The following TRAF7 variants were observed in gnomAD, a reference collection of about 807,000 sequenced individuals.
The protein encoded by TRAF7 is E3 ubiquitin-protein ligase TRAF7.
In TRAF7, 45 loss-of-function variants were observed where a neutral mutation model predicts 89.3. The ratio of observed to expected loss-of-function variants is 0.50; its 90% CI spans 0.40 to 0.65. The LOEUF is 0.65. Ranked by LOEUF, TRAF7 falls within the 30% of genes least tolerant of loss-of-function variation. TRAF7 has a pLI of 0.00. For synonymous variants in TRAF7, 406 were observed against 369.2 expected (o/e 1.10, Z -1.14); for missense variants, 677 against 918.1 (o/e 0.74, Z 3.39).
At chr16:2,176,027 T>G in intron 18 of TRAF7, 22 bp from the exon 19 acceptor site, 1 of 1,608,178 alleles carries the variant, frequency 6.2e-7, no homozygotes, top group South Asian at 1.1e-5. Context: ...GTCTTTGACC[T>G]GCCTGTGCCC....
At chr16:2,175,261 G>C (rs781543950) in intron 15 of TRAF7, 40 bp from the exon 16 acceptor site, 1 of 1,612,488 alleles carries the variant, frequency 6.2e-7, no homozygotes, top group African/African-American at 1.3e-5. Context: ...CCAGGTGGCA[G>C]GGCTTGGTGC....
intron 20 of TRAF7, 65 bp downstream of exon 20, chr16:2,176,449 G>A: frequency 3.1e-6 from 5 of 1,612,598 alleles, no homozygotes; most frequent in Non-Finnish European, 4.2e-6. Context: ...TGGGGACGAG[G>A]AGCTGGCAGC....
chr16:2,174,394 C>T (rs1465701536), intron 14 of TRAF7, 61 bp downstream of exon 14: 5 of 1,535,600 alleles, frequency 3.3e-6, no homozygotes, highest in Non-Finnish European at 4.4e-6. Flanking sequence ...CGCTGCCACC[C>T]CGTGGGCCGT....
Position 2,170,686 on chromosome 16 carries a change from T to A in TRAF7, c.304T>A (p.Ser102Thr). 6.2e-7 allele frequency: 1 copy of A among 1,608,496 alleles called. No individual in the cohort carries two copies. Among genetic ancestry groups the A allele is most frequent in the Non-Finnish European group, 8.5e-7 (1 of 1,177,932 alleles). ...CTCCCTGCACTCAGAGTCCAGCATG[T>A]CTCTGCGCTCCACATTCTCACTGCC... ...VRSLHSESSM[S>T]LRSTFSLPEE... The change falls in exon 5 of 21, where the codon TCT (serine) becomes ACT (threonine). Residue 102 changes from serine (S) to threonine (T), a missense_variant. By Grantham distance (58) the Ser-to-Thr change is moderately conservative. Around this residue, in one of 6 missense-constraint regions of TRAF7, gnomAD observed 240 missense variants for 191.9 expected, o/e 1.25. Transcript: ENST00000326181.
Position 2,176,877 on chromosome 16 carries a change from G to A in TRAF7, c.*303G>A, listed in dbSNP as rs887513320. ...GGCCTTTTTACTCACCTTTTCTACC[G>A]TTTTTAGACTGTATGTAGATTTGGT... On this transcript the variant is annotated 3_prime_UTR_variant, in exon 21 of 21. Transcript: ENST00000326181. The A allele has an allele frequency of 1.6e-5, 9 of 545,648 alleles. No homozygotes were observed. Among genetic ancestry groups the A allele is most frequent in the South Asian group, 4.1e-5 (2 of 48,672 alleles). The allele number at this position is 545,648 out of a possible 1,614,324, so 33.8% of individuals were successfully genotyped here.
At chr16:2,173,124 G>C in intron 9 of TRAF7, 58 bp from the exon 10 acceptor site, 1 of 1,508,918 alleles carries the variant, frequency 6.6e-7, no homozygotes, top group Admixed American at 1.9e-5. Context: ...GGGGATTCTT[G>C]GGGATGGGGA....
chr16:2,158,359 G>A lies in TRAF7; in HGVS notation c.-39+2501G>A, dbSNP rs1462341373. On this transcript the variant is annotated intron_variant, in intron 1 of 20. Transcript: ENST00000326181. This position sits in a 1 kb window ranked among gnomAD's most constrained non-coding sequence, Gnocchi z 4.7. ...GTGCAGCCAGGTGGGGCAGGTGAAAGGGGAAAGCGGGCACTGGAGGCTGGG... is the reference window on the plus strand; with the variant it reads ...GTGCAGCCAGGTGGGGCAGGTGAAAAGGGAAAGCGGGCACTGGAGGCTGGG... 2.6e-5 allele frequency among the ~76,000 whole-genome samples: 4 copies of A among 152,236 alleles called. No individual in the cohort carries two copies. The highest frequency in any genetic ancestry group is 5.9e-5 in the Non-Finnish European group (4 of 68,036).
In TRAF7 at chr16:2,177,900, G is replaced by A; in HGVS notation, c.*1326G>A. Reference sequence around the variant, plus strand: ...CCCCAGCCTTCCACCTGTGCTAGCAGCCTGGGGCCTCCACTCTGGCCGGAG... The same window carrying A: ...CCCCAGCCTTCCACCTGTGCTAGCAACCTGGGGCCTCCACTCTGGCCGGAG... On this transcript the variant is annotated 3_prime_UTR_variant, in exon 21 of 21. Transcript: ENST00000326181. 2 of 329,158 alleles carry A rather than the reference G, an allele frequency of 6.1e-6. No individual in the cohort carries two copies. The highest frequency in any genetic ancestry group is 1.1e-5 in the Non-Finnish European group (2 of 174,750). The allele number at this position is 329,158 out of a possible 1,614,324, so 20.4% of individuals were successfully genotyped here. A position where few individuals can be genotyped will look rare whatever the true frequency, so the allele number is the denominator to read the frequency against.
intron 3 of TRAF7, among the ~76,000 whole-genome samples, chr16:2,167,160 T>C (rs981163824): frequency 6.6e-6 from 1 of 152,014 alleles, no homozygotes; most frequent in Non-Finnish European, 1.5e-5. Context: ...CCATGGCCCC[T>C]GTCACACGGC....
Position 2,168,177 on chromosome 16 carries a change from C to G in TRAF7, c.231+9C>G. 6.2e-7 allele frequency: 1 copy of G among 1,604,452 alleles called. No homozygotes were observed. Among genetic ancestry groups the G allele is most frequent in the Non-Finnish European group, 8.5e-7 (1 of 1,176,754 alleles). On this transcript the variant is annotated intron_variant, in intron 4 of 20. Coordinates refer to ENST00000326181, the MANE Select transcript of TRAF7 (RefSeq NM_032271.3). The surrounding 1 kb of genome is among the most constrained non-coding windows in gnomAD (Gnocchi z 4.1). ...ACGAGGAGGACAGCATGGTAGGTCC[C>G]TACCCCCAGGAGCCCGTGTGAGCCT...
In TRAF7 at chr16:2,159,220, C is replaced by A. The variant is rs1385658675; in HGVS notation, c.-39+3362C>A. On this transcript the variant is annotated intron_variant, in intron 1 of 20. Transcript: ENST00000326181. The surrounding 1 kb of genome is among the most constrained non-coding windows in gnomAD (Gnocchi z 6.5). ...GGAGGCTGAGTGGATGCAGTAGGAG[C>A]AGAGCTGGGGGAGGAGTTCAGAGGC... is the stretch of plus-strand genomic sequence containing the variant. 6.6e-6 allele frequency among the ~76,000 whole-genome samples: 1 copy of A among 151,928 alleles called. No individual in the cohort carries two copies. Among genetic ancestry groups the A allele is most frequent in the African/African-American group, 2.4e-5 (1 of 41,332 alleles).
At chr16:2,172,885 G>C (rs918721656) in intron 9 of TRAF7, among the ~76,000 whole-genome samples, 4 of 152,174 alleles carry the variant, frequency 2.6e-5, no homozygotes, top group Non-Finnish European at 5.9e-5. Context: ...AGGAGAGGCA[G>C]GAGCCCAGTT....
Position 2,176,092 on chromosome 16 carries a change from G to T in TRAF7, c.1790G>T (p.Gly597Val). The T allele has an allele frequency of 1.2e-6, 2 of 1,610,804 alleles. No homozygotes were observed. The highest frequency in any genetic ancestry group is 1.7e-6 in the Non-Finnish European group (2 of 1,179,024). Residue 597 changes from glycine (G) to valine (V), a missense_variant, in exon 19 of 21, where the codon GGC becomes GTC. Coordinates refer to ENST00000326181, the MANE Select transcript of TRAF7 (RefSeq NM_032271.3). Reference protein sequence around the residue: ...ESKEQVRTLTGHVGTVYALAV... With the variant: ...ESKEQVRTLTVHVGTVYALAV... ...AAGGAGCAGGTGCGGACCCTCACGG[G>T]CCACGTGGGCACCGTGTATGCCCTG...
chr16:2,173,859 T>TTGGGGGCCCCCCC, intron 12 of TRAF7, 23 bp downstream of exon 12: 1 of 1,246,232 alleles, frequency 8.0e-7, no homozygotes, highest in Non-Finnish European at 1.1e-6. Context: ...CCGCCGTGGC[T>TTGGGGGCCCCCCC]CCCGCCCACC....
chr16:2,175,685 C>A (rs1017761763), intron 17 of TRAF7, 63 bp downstream of exon 17: 1 of 1,593,696 alleles, frequency 6.3e-7, no homozygotes, highest in Non-Finnish European at 8.6e-7. Context: ...CCCAGGCCAG[C>A]ACCTGGGGCT....
rs372592361 is a variant in TRAF7 at position 2,163,229 on chromosome 16, G to A, written c.-38-654G>A. ...CCACCAGCCCCTGAGCCCCTGTGGC[G>A]TGGCTGGGAGTGTGGGTGACCTGCA... On this transcript the variant is annotated intron_variant, in intron 1 of 20. Coordinates refer to ENST00000326181, the MANE Select transcript of TRAF7 (RefSeq NM_032271.3). This position sits in a 1 kb window ranked among gnomAD's most constrained non-coding sequence, Gnocchi z 4.3. 2.0e-5 allele frequency among the ~76,000 whole-genome samples: 3 copies of A among 152,308 alleles called. No homozygotes were observed. Among genetic ancestry groups the A allele is most frequent in the East Asian group, 1.9e-4 (1 of 5,182 alleles).
intron 8 of TRAF7, 39 bp from the exon 9 acceptor site, chr16:2,172,426 G>T (rs760274832): frequency 1.2e-6 from 2 of 1,610,618 alleles, no homozygotes; most frequent in South Asian, 1.1e-5. Context: ...GCTTCTCAGG[G>T]CTCTGGCTGA....
At position 2,168,045 on chromosome 16, in the gene TRAF7, C is replaced by T. The variant is rs143267328; in HGVS notation, c.140-32C>T. The T allele has an allele frequency of 2.2e-4, 357 of 1,602,350 alleles. 1 individual carries two copies. In the African/African-American group the frequency reaches 4.5e-3, roughly 20 times the overall value. ...CTCCCCCACATCTGCTGAGGGAGCC[C>T]CCACTGAGACGCCAGCCCTCTTGCC... On this transcript the variant is annotated intron_variant, in intron 3 of 20. Transcript: ENST00000326181. This position sits in a 1 kb window ranked among gnomAD's most constrained non-coding sequence, Gnocchi z 4.1.
At chr16:2,171,823 C>G (rs577613991) in intron 7 of TRAF7, among the ~76,000 whole-genome samples, 1 of 152,330 alleles carries the variant, frequency 6.6e-6, no homozygotes, top group Non-Finnish European at 1.5e-5. Flanking sequence ...TGTCCAGACT[C>G]AGAGACCCCA....
Sources: allele counts gnomAD v4.1 joint callset (sites outside exome capture counted in the v4.1 genomes callset), GRCh38; gene constraint gnomAD v4.1.1; regional missense constraint gnomAD v4.1.1; non-coding constraint Gnocchi (gnomAD v3.1); transcripts MANE v1.5; gene names NCBI Gene and HGNC (gene_info 2026-07-23, HGNC 2026-07-21).